Variants in CCDC148 observed in about 807,000 individuals in gnomAD.
The protein encoded by CCDC148 is coiled-coil domain-containing protein 148.
In CCDC148, 89 loss-of-function variants were observed where a neutral mutation model predicts 85.7. That is an observed-to-expected ratio of 1.04 (90% CI 0.87 to 1.24). The LOEUF is 1.24. Among genes scored for constraint, CCDC148 ranks in the 50% most tolerant of loss-of-function variants. The pLI is 0.00. For synonymous variants in CCDC148, 230 were observed against 213.9 expected, an observed-to-expected ratio of 1.08 and a Z score of -0.66; for missense variants, 692 against 671.7, an observed-to-expected ratio of 1.03 and a Z score of -0.33.
At chr2:158,172,510 G>A (rs767408784) in intron 13 of CCDC148, among the ~76,000 whole-genome samples, 24 of 151,818 alleles carry the variant, frequency 1.6e-4, no homozygotes, top group South Asian at 4.2e-4. Context: ...AATATAATGC[G>A]TTAAAATTAT....
chr2:158,172,576 T>C (rs1458952375), intron 13 of CCDC148, among the ~76,000 whole-genome samples: 2 of 152,092 alleles, frequency 1.3e-5, no homozygotes, highest in East Asian at 3.9e-4. Flanking sequence ...TTATCACTTA[T>C]TGCTGGCTGG....
chr2:158,433,806 T>C (rs1255832660), intron 1 of CCDC148, among the ~76,000 whole-genome samples: 1 of 152,162 alleles, frequency 6.6e-6, no homozygotes, highest in East Asian at 1.9e-4. Flanking sequence ...TCTTAGCAAA[T>C]GGCACACCAG....
intron 2 of CCDC148, among the ~76,000 whole-genome samples, chr2:158,355,412 A>G (rs1242962146): frequency 1.3e-5 from 2 of 152,252 alleles, no homozygotes; most frequent in African/African-American, 4.8e-5. Context: ...TACAAAAATC[A>G]GAAGCATTCT....
intron 2 of CCDC148, among the ~76,000 whole-genome samples, chr2:158,350,413 TTATC>T (rs1280027856): frequency 6.6e-6 from 1 of 152,184 alleles, no homozygotes; most frequent in Non-Finnish European, 1.5e-5. Flanking sequence ...GAATATTTAT[TTATC>T]TATTCCAATA....
chr2:158,351,243 G>C (rs1023245779), intron 2 of CCDC148, among the ~76,000 whole-genome samples: 1 of 152,210 alleles, frequency 6.6e-6, no homozygotes, highest in South Asian at 2.1e-4. Flanking sequence ...CAAGATGGCC[G>C]AATAGGAACA....
intron 10 of CCDC148, among the ~76,000 whole-genome samples, chr2:158,243,063 G>A (rs953158284): frequency 6.6e-6 from 1 of 152,046 alleles, no homozygotes; most frequent in Non-Finnish European, 1.5e-5. Flanking sequence ...AATGCCGTCT[G>A]TCTTCAGGCG....
intron 10 of CCDC148, among the ~76,000 whole-genome samples, chr2:158,227,442 A>G (rs1198929067): frequency 6.6e-6 from 1 of 152,166 alleles, no homozygotes; most frequent in Non-Finnish European, 1.5e-5. Flanking sequence ...TCTTCACAGA[A>G]TTGGAAAAAA....
At chr2:158,221,050 C>A (rs560606064) in intron 10 of CCDC148, among the ~76,000 whole-genome samples, 1 of 152,276 alleles carries the variant, frequency 6.6e-6, no homozygotes, top group South Asian at 2.1e-4. Context: ...TATGATCTAC[C>A]TGTTACTCAA....
rs146355106 is a variant in CCDC148, at chr2:158,195,187, G to A, written c.1371-16191C>T. On this transcript the variant is annotated intron_variant, in intron 11 of 13. Transcript: ENST00000283233. ...TATTGGCTTATTCTGTGTATTTGAG[G>A]TATGTATCTTATGCTTTTCCCACTT... Among the ~76,000 whole-genome samples the A allele has an allele frequency of 3.9e-5, 6 of 151,974 alleles. No homozygotes were observed. In the East Asian group the frequency reaches 1.2e-3, roughly 30 times the overall value.
chr2:158,344,728 G>C (rs539327870), intron 3 of CCDC148, among the ~76,000 whole-genome samples: 1 of 152,050 alleles, frequency 6.6e-6, no homozygotes, highest in Non-Finnish European at 1.5e-5. Flanking sequence ...AGTTAGTCAT[G>C]ATGCACTTAC....
chr2:158,211,560 C>G (rs901023797), intron 11 of CCDC148, among the ~76,000 whole-genome samples: 1 of 152,178 alleles, frequency 6.6e-6, no homozygotes. Flanking sequence ...TAGCACACAA[C>G]GAAAATCCAG....
chr2:158,313,836 G>C lies in CCDC148; in HGVS notation c.823C>G (p.Pro275Ala), dbSNP rs760626066. The C allele has an allele frequency of 1.9e-6, 3 of 1,613,732 alleles. No individual in the cohort carries two copies. The South Asian group carries it at 3.3e-5, about 18-fold the overall frequency. ...WIYQAILDQY[P>A]GDLFGRRTLY... ...GTCCTTCTTCCAAAGAGATCTCCAGGGTACTGATCCAAAATAGCCTGGTAA... is the reference window on the plus strand; with the variant it reads ...GTCCTTCTTCCAAAGAGATCTCCAGCGTACTGATCCAAAATAGCCTGGTAA... The change falls in exon 8 of 14, where the codon CCT (proline) becomes GCT (alanine). Residue 275 changes from proline (P) to alanine (A), a missense_variant. Transcript: ENST00000283233.
At position 158,397,700 on chromosome 2, in the gene CCDC148, A is replaced by G. The variant is rs137869889; in HGVS notation, c.26-39130T>C. The stretch of plus-strand genomic sequence containing the variant: ...ATGCCAAATTGTAAAGACCATAGAC[A>G]CTATGAAGAAACTGCATCAACTAAT... On this transcript the variant is annotated intron_variant, in intron 1 of 13. Coordinates refer to ENST00000283233, the MANE Select transcript of CCDC148 (RefSeq NM_138803.4). 3.0e-3 allele frequency among the ~76,000 whole-genome samples: 455 copies of G among 152,238 alleles called. 1 individual carries two copies. The highest frequency in any genetic ancestry group is 9.8e-3 in the African/African-American group (406 of 41,556).
chr2:158,273,940 T>C (rs1221375176), intron 9 of CCDC148, among the ~76,000 whole-genome samples: 1 of 152,094 alleles, frequency 6.6e-6, no homozygotes, highest in Non-Finnish European at 1.5e-5. Flanking sequence ...GAAAAGAGGA[T>C]AGTGTTTTCT....
intron 10 of CCDC148, among the ~76,000 whole-genome samples, chr2:158,243,532 C>G (rs527535693): frequency 6.6e-6 from 1 of 152,130 alleles, no homozygotes; most frequent in Non-Finnish European, 1.5e-5. Flanking sequence ...TCGTCTCTCT[C>G]GGTCTCCTGC....
rs371974231 is a variant in CCDC148, at chr2:158,279,927, C to T, written c.1111-29015G>A. Reference sequence around the variant, plus strand: ...AACCCATCAGACTAACAGCGGATCTCTCGGCAGAAACTCTACAAGCCAGAA... The same window carrying T: ...AACCCATCAGACTAACAGCGGATCTTTCGGCAGAAACTCTACAAGCCAGAA... On this transcript the variant is annotated intron_variant, in intron 9 of 13. Transcript: ENST00000283233. Among the ~76,000 whole-genome samples the T allele has an allele frequency of 5.9e-5, 9 of 151,690 alleles. No homozygotes were observed. In the South Asian group the frequency reaches 1.7e-3, roughly 29 times the overall value.
chr2:158,304,981 A>T (rs975974280), intron 9 of CCDC148, among the ~76,000 whole-genome samples: 2 of 152,174 alleles, frequency 1.3e-5, no homozygotes, highest in Admixed American at 6.5e-5. Context: ...GAAGCTACAA[A>T]CACAAGAGGA....
intron 11 of CCDC148, among the ~76,000 whole-genome samples, chr2:158,218,096 G>T (rs911167930): frequency 3.3e-5 from 5 of 152,158 alleles, no homozygotes. Flanking sequence ...AGAATTATAT[G>T]TCTTAAATAT....
intron 9 of CCDC148, among the ~76,000 whole-genome samples, chr2:158,285,426 G>T (rs1690574149): frequency 6.6e-6 from 1 of 151,160 alleles, no homozygotes; most frequent in East Asian, 1.9e-4. Flanking sequence ...AGAAAAAGAA[G>T]GTAAACATAG....
Sources: gnomAD v4.1 joint callset for allele counts (sites outside exome capture counted in the v4.1 genomes callset) on GRCh38, gnomAD v4.1.1 for gene constraint, MANE v1.5 for transcripts, NCBI Gene and HGNC (gene_info 2026-07-23, HGNC 2026-07-21) for gene names.